The following MGAT4C variants were observed in gnomAD, a reference collection of about 807,000 sequenced individuals.
MGAT4C encodes the protein alpha-1,3-mannosyl-glycoprotein 4-beta-N-acetylglucosaminyltransferase C.
A neutral mutation model predicts 40.1 loss-of-function variants in MGAT4C; 19 were observed. That is an observed-to-expected ratio of 0.47 (90% confidence interval 0.33 to 0.70). The LOEUF (loss-of-function observed/expected upper bound fraction) is 0.70. Ranked by LOEUF, MGAT4C falls within the 30% of genes least tolerant of loss-of-function variation. The pLI is 0.02. For missense variants in MGAT4C, 491 were observed against 563.2 expected, an observed-to-expected ratio of 0.87 and a Z score of 1.30; for synonymous variants, 181 against 187.1, an observed-to-expected ratio of 0.97 and a Z score of 0.27.
intron 2 of MGAT4C, chr12:86,601,133 A>G (rs1961757868): frequency 6.6e-6 from 1 of 152,498 alleles, no homozygotes; most frequent in South Asian, 2.1e-4. Context: ...GTGCGGGCCT[A>G]CAGGCACCCC....
At chr12:86,461,779 G>T (rs1423217180) in intron 2 of MGAT4C, among the ~76,000 whole-genome samples, 1 of 152,080 alleles carries the variant, frequency 6.6e-6, no homozygotes, top group East Asian at 1.9e-4. Flanking sequence ...CAAAATGGGG[G>T]TGGTCAGAAT....
At chr12:86,096,589 C>A (rs1340007402) in intron 1 of MGAT4C, among the ~76,000 whole-genome samples, 1 of 150,840 alleles carries the variant, frequency 6.6e-6, no homozygotes, top group Non-Finnish European at 1.5e-5. Flanking sequence ...CTTTTTTTTC[C>A]TCGAATCTTT....
At chr12:86,597,226 G>GT (rs1961574000) in intron 2 of MGAT4C, among the ~76,000 whole-genome samples, 1 of 152,136 alleles carries the variant, frequency 6.6e-6, no homozygotes, top group South Asian at 2.1e-4. Flanking sequence ...TTTCATTCCT[G>GT]TAATTCTGAC....
intron 1 of MGAT4C, among the ~76,000 whole-genome samples, chr12:86,818,823 G>A (rs921634285): frequency 2.0e-5 from 3 of 150,974 alleles, no homozygotes; most frequent in African/African-American, 7.3e-5. Context: ...AGAATAACAT[G>A]AAGTCTAACA....
At chr12:86,485,732 T>G (rs1958008932) in intron 2 of MGAT4C, among the ~76,000 whole-genome samples, 1 of 152,084 alleles carries the variant, frequency 6.6e-6, no homozygotes, top group African/African-American at 2.4e-5. Context: ...AGAGAACCCC[T>G]GTGAGGTACT....
chr12:86,507,953 G>T (rs1958500376), intron 2 of MGAT4C, among the ~76,000 whole-genome samples: 1 of 152,018 alleles, frequency 6.6e-6, no homozygotes, highest in Non-Finnish European at 1.5e-5. Context: ...AAATGTCATT[G>T]ACATTGTGAT....
chr12:86,143,477 T>G (rs1883125593), intron 1 of MGAT4C, among the ~76,000 whole-genome samples: 1 of 152,096 alleles, frequency 6.6e-6, no homozygotes, highest in East Asian at 1.9e-4. Context: ...GACAATGTAA[T>G]AGAGGTGTAG....
intron 1 of MGAT4C, among the ~76,000 whole-genome samples, chr12:86,129,550 T>C (rs201156233): frequency 9.7e-4 from 9 of 9,324 alleles, no homozygotes; most frequent in African/African-American, 4.3e-3. Context: ...CAATCTTTTT[T>C]TTTTTTTTTT....
At position 86,182,723 on chromosome 12, in the gene MGAT4C, G is replaced by C. The variant is rs1021243123; in HGVS notation, c.-57+73516C>G. Among the ~76,000 whole-genome samples the C allele has an allele frequency of 3.2e-3, 489 of 152,180 alleles. 2 individuals carry two copies. Among genetic ancestry groups the C allele is most frequent in the African/African-American group, 0.011 (454 of 41,516 alleles). On this transcript the variant is annotated intron_variant, in intron 1 of 4. Transcript: ENST00000611864. Reference sequence around the variant, plus strand: ...CAATGATAGCTTAGATTGACATAAAGCAGCCATAAACAGCAATAGAGTATA... The same window carrying C: ...CAATGATAGCTTAGATTGACATAAACCAGCCATAAACAGCAATAGAGTATA...
chr12:86,809,064 A>G (rs1016052191), intron 1 of MGAT4C, among the ~76,000 whole-genome samples: 2 of 152,042 alleles, frequency 1.3e-5, no homozygotes, highest in Admixed American at 6.6e-5. Flanking sequence ...ACCTAAGAAT[A>G]CAGCTAAAAT....
chr12:86,297,336 C>T (rs373778939), intron 4 of MGAT4C, among the ~76,000 whole-genome samples: 11 of 151,868 alleles, frequency 7.2e-5, no homozygotes, highest in East Asian at 3.9e-4. Flanking sequence ...CTTTGAAGCA[C>T]GGTAATAGTA....
intron 4 of MGAT4C, among the ~76,000 whole-genome samples, chr12:86,332,614 G>A (rs987503756): frequency 1.3e-5 from 2 of 151,666 alleles, no homozygotes; most frequent in African/African-American, 4.9e-5. Flanking sequence ...AAGCCATATC[G>A]TAATTGGGAA....
chr12:86,741,297 G>A (rs1400922525), intron 1 of MGAT4C, among the ~76,000 whole-genome samples: 1 of 151,246 alleles, frequency 6.6e-6, no homozygotes, highest in Non-Finnish European at 1.5e-5. Context: ...AATGGTTTTA[G>A]ATTATACTTT....
chr12:86,298,260 CTTA>C (rs1302804549), intron 4 of MGAT4C, among the ~76,000 whole-genome samples: 2 of 151,928 alleles, frequency 1.3e-5, no homozygotes. Context: ...AAATATTTAA[CTTA>C]TTCATGAAGA....
intron 2 of MGAT4C, among the ~76,000 whole-genome samples, chr12:86,723,174 C>A (rs1861503185): frequency 6.6e-6 from 1 of 152,170 alleles, no homozygotes; most frequent in African/African-American, 2.4e-5. Flanking sequence ...ACTAATGTTG[C>A]TAGTTTCATC....
intron 1 of MGAT4C, among the ~76,000 whole-genome samples, chr12:86,183,590 T>C (rs963513610): frequency 6.6e-6 from 1 of 151,976 alleles, no homozygotes; most frequent in Non-Finnish European, 1.5e-5. Context: ...ACATCATAAA[T>C]TGAGTGGTGT....
At chr12:86,605,539 A>C (rs1962013399) in intron 2 of MGAT4C, among the ~76,000 whole-genome samples, 1 of 152,146 alleles carries the variant, frequency 6.6e-6, no homozygotes, top group Admixed American at 6.6e-5. Flanking sequence ...CATTTCCATA[A>C]CTAACTCTCG....
intron 4 of MGAT4C, among the ~76,000 whole-genome samples, chr12:86,287,691 A>T (rs1240873936): frequency 2.0e-5 from 3 of 152,124 alleles, no homozygotes; most frequent in Non-Finnish European, 4.4e-5. Flanking sequence ...TGAACTCATC[A>T]TTTTTTATGG....
At chr12:86,441,525 G>A (rs1233950176) in intron 2 of MGAT4C, among the ~76,000 whole-genome samples, 1 of 120,148 alleles carries the variant, frequency 8.3e-6, no homozygotes, top group Admixed American at 1.2e-4. Flanking sequence ...AGGCCTCGGT[G>A]TGTGATATTC....
Sources: gnomAD v4.1 joint callset for allele counts (sites outside exome capture counted in the v4.1 genomes callset) on GRCh38, gnomAD v4.1.1 for gene constraint, MANE v1.5 for transcripts, NCBI Gene and HGNC (gene_info 2026-07-23, HGNC 2026-07-21) for gene names.